The following NAALADL2 variants were observed in gnomAD, a reference collection of about 807,000 sequenced individuals.
NAALADL2 encodes the protein inactive N-acetylated-alpha-linked acidic dipeptidase-like protein 2.
A neutral mutation model predicts 87.2 loss-of-function variants in NAALADL2; 76 were observed. That is an observed-to-expected ratio of 0.87 (90% CI 0.72 to 1.05). NAALADL2 has a LOEUF of 1.05. Among genes scored for constraint, NAALADL2 ranks in the 50% least tolerant of loss-of-function variants. The pLI is 0.00. For synonymous variants in NAALADL2, 354 were observed against 331.0 expected, an observed-to-expected ratio of 1.07 and a Z score of -0.75; for missense variants, 1,089 against 945.8, an observed-to-expected ratio of 1.15 and a Z score of -1.99.
chr3:174,716,080 T>C (rs1731154517), intron 2 of NAALADL2, among the ~76,000 whole-genome samples: 1 of 152,200 alleles, frequency 6.6e-6, no homozygotes, highest in African/African-American at 2.4e-5. Context: ...ACTTTTATTC[T>C]TCCTGTGACT....
intron 2 of NAALADL2, among the ~76,000 whole-genome samples, chr3:175,188,533 G>A (rs1737674049): frequency 6.6e-6 from 1 of 152,082 alleles, no homozygotes; most frequent in Non-Finnish European, 1.5e-5. Context: ...AGTTTCCTAT[G>A]TCCCAGGGAA....
intron 2 of NAALADL2, among the ~76,000 whole-genome samples, chr3:175,173,050 G>A (rs1735092322): frequency 6.6e-6 from 1 of 151,904 alleles, no homozygotes; most frequent in African/African-American, 2.4e-5. Flanking sequence ...TGGCACTTTG[G>A]GAGGCCAGGG....
At chr3:175,600,235 A>G (rs1294058709) in intron 10 of NAALADL2, among the ~76,000 whole-genome samples, 3 of 151,756 alleles carry the variant, frequency 2.0e-5, no homozygotes, top group African/African-American at 7.3e-5. Context: ...AAATCTCTCT[A>G]TATTCTTTTA....
chr3:175,371,576 G>C (rs1447346568), intron 5 of NAALADL2, among the ~76,000 whole-genome samples: 2 of 152,160 alleles, frequency 1.3e-5, no homozygotes, highest in African/African-American at 4.8e-5. Context: ...TGTAATCCCA[G>C]CTCTTTGGGA....
chr3:174,565,183 C>T (rs374668394), intron 2 of NAALADL2, among the ~76,000 whole-genome samples: 2 of 152,122 alleles, frequency 1.3e-5, no homozygotes, highest in Admixed American at 6.6e-5. Context: ...TTAATCTTAA[C>T]TAAAGTCTAT....
At chr3:174,555,818 C>G (rs537248656) in intron 2 of NAALADL2, among the ~76,000 whole-genome samples, 2 of 151,994 alleles carry the variant, frequency 1.3e-5, no homozygotes, top group African/African-American at 4.8e-5. Context: ...CTTTTACGGC[C>G]AGTTCTCAGA....
intron 2 of NAALADL2, among the ~76,000 whole-genome samples, chr3:174,553,486 ATAAT>A (rs1712395633): frequency 6.6e-6 from 1 of 152,310 alleles, no homozygotes; most frequent in East Asian, 1.9e-4. Flanking sequence ...ATAAGAAAAA[ATAAT>A]TAAGCAAGAT....
At chr3:175,391,462 T>G (rs891690936) in intron 5 of NAALADL2, among the ~76,000 whole-genome samples, 2 of 152,118 alleles carry the variant, frequency 1.3e-5, no homozygotes, top group African/African-American at 2.4e-5. Context: ...AAACTTCCCT[T>G]TGGAGAAGCT....
chr3:175,737,607 A>G (rs922082060), intron 12 of NAALADL2, among the ~76,000 whole-genome samples: 3 of 151,684 alleles, frequency 2.0e-5, no homozygotes, highest in East Asian at 3.9e-4. Context: ...AATGGAGAAT[A>G]TCAGATTTTG....
chr3:175,712,679 C>G (rs1007913695), intron 11 of NAALADL2, among the ~76,000 whole-genome samples: 1 of 152,080 alleles, frequency 6.6e-6, no homozygotes, highest in African/African-American at 2.4e-5. Flanking sequence ...TCAGAAGGTT[C>G]TGTCTGTGGG....
intron 5 of NAALADL2, among the ~76,000 whole-genome samples, chr3:175,419,880 AG>A (rs1460447733): frequency 6.6e-6 from 1 of 152,020 alleles, no homozygotes; most frequent in Non-Finnish European, 1.5e-5. Flanking sequence ...TTTTAAGAAA[AG>A]AAAAATCAAT....
chr3:174,706,992 A>G (rs1239075221), intron 2 of NAALADL2, among the ~76,000 whole-genome samples: 1 of 152,220 alleles, frequency 6.6e-6, no homozygotes, highest in Non-Finnish European at 1.5e-5. Context: ...AACGATATGA[A>G]CAGACACTTC....
intron 5 of NAALADL2, among the ~76,000 whole-genome samples, chr3:175,415,093 A>G (rs905127209): frequency 2.6e-5 from 4 of 152,170 alleles, no homozygotes; most frequent in Non-Finnish European, 5.9e-5. Flanking sequence ...ATATAAGCCT[A>G]ATTGCCCTCA....
intron 5 of NAALADL2, among the ~76,000 whole-genome samples, chr3:175,431,886 T>C (rs1717817933): frequency 6.6e-6 from 1 of 152,018 alleles, no homozygotes; most frequent in Non-Finnish European, 1.5e-5. Context: ...CTTAATTGCC[T>C]TCTCTCTTAA....
chr3:175,568,414 A>G (rs2149533701), intron 9 of NAALADL2, among the ~76,000 whole-genome samples: 1 of 152,308 alleles, frequency 6.6e-6, no homozygotes, highest in African/African-American at 2.4e-5. Context: ...GTGATGCAAT[A>G]TGATAAAAAT....
intron 2 of NAALADL2, among the ~76,000 whole-genome samples, chr3:175,211,755 A>G (rs1415119796): frequency 1.3e-5 from 2 of 152,048 alleles, no homozygotes; most frequent in African/African-American, 2.4e-5. Flanking sequence ...AAGATAACAC[A>G]TTGTGATGTG....
rs139232126 is a variant in NAALADL2, at chr3:174,859,885, G to A, written c.43+435G>A. Among the ~76,000 whole-genome samples, 8 of 152,168 alleles carry A rather than the reference G, an allele frequency of 5.3e-5. No individual in the cohort carries two copies. In the East Asian group the frequency reaches 1.6e-3, roughly 30 times the overall value. ...GCCATCTCTGGAGTTTACCAGCTCA[G>A]TTTCCCTGTAATTAATATAACCACT... On this transcript the variant is annotated intron_variant, in intron 1 of 13. Coordinates refer to ENST00000454872, the MANE Select transcript of NAALADL2 (RefSeq NM_207015.3).
intron 2 of NAALADL2, among the ~76,000 whole-genome samples, chr3:174,686,642 C>A (rs940556564): frequency 1.3e-5 from 2 of 151,900 alleles, no homozygotes; most frequent in Admixed American, 1.3e-4. Context: ...AGCCTGCACC[C>A]CTACAACTAT....
intron 5 of NAALADL2, among the ~76,000 whole-genome samples, chr3:175,392,161 G>A (rs1158699917): frequency 6.6e-6 from 1 of 152,172 alleles, no homozygotes; most frequent in Non-Finnish European, 1.5e-5. Context: ...TCTGTGAATT[G>A]ATGAATACTT....
Sources: allele counts gnomAD v4.1 joint callset (sites outside exome capture counted in the v4.1 genomes callset), GRCh38; gene constraint gnomAD v4.1.1; transcripts MANE v1.5; gene names NCBI Gene and HGNC (gene_info 2026-07-23, HGNC 2026-07-21).